CCSER1: variants seen among roughly 807,000 people sequenced by gnomAD.
CCSER1 encodes serine-rich coiled-coil domain-containing protein 1.
CCSER1 carries 41 observed loss-of-function variants against 82.0 expected under a neutral mutation model. That is an observed-to-expected ratio of 0.50 (90% CI 0.39 to 0.65). The LOEUF is 0.65. CCSER1 is among the 30% of genes least tolerant of loss of function. The pLI is 0.00. For missense variants in CCSER1, 1,119 were observed against 1,064.2 expected, an observed-to-expected ratio of 1.05 and a Z score of -0.72; for synonymous variants, 414 against 383.9, an observed-to-expected ratio of 1.08 and a Z score of -0.92.
chr4:90,576,284 C>A (rs987472334), intron 5 of CCSER1, among the ~76,000 whole-genome samples: 2 of 152,092 alleles, frequency 1.3e-5, no homozygotes, highest in Admixed American at 6.6e-5. Flanking sequence ...CCCATAAGCA[C>A]CTCTGTTCCC....
At chr4:90,199,241 ATAT>A (rs1206266336) in intron 1 of CCSER1, among the ~76,000 whole-genome samples, 1 of 152,214 alleles carries the variant, frequency 6.6e-6, no homozygotes, top group Admixed American at 6.5e-5. Flanking sequence ...CTCAATTAAA[ATAT>A]TATAGGCCAA....
intron 3 of CCSER1, among the ~76,000 whole-genome samples, chr4:90,314,406 A>G (rs1735805175): frequency 6.6e-6 from 1 of 152,204 alleles, no homozygotes; most frequent in African/African-American, 2.4e-5. Context: ...AACATTTATC[A>G]TCACAACATT....
intron 10 of CCSER1, among the ~76,000 whole-genome samples, chr4:91,469,261 C>T (rs577552439): frequency 6.6e-6 from 1 of 152,276 alleles, no homozygotes; most frequent in Non-Finnish European, 1.5e-5. Flanking sequence ...AAAAATCCTT[C>T]TGGCCTGCTA....
At chr4:91,320,408 T>G (rs1746116749) in intron 10 of CCSER1, among the ~76,000 whole-genome samples, 1 of 152,042 alleles carries the variant, frequency 6.6e-6, no homozygotes, top group Admixed American at 6.6e-5. Context: ...TAGGCATGAT[T>G]GTGCATAATT....
At chr4:91,082,869 T>A (rs1722935590) in intron 9 of CCSER1, among the ~76,000 whole-genome samples, 1 of 152,158 alleles carries the variant, frequency 6.6e-6, no homozygotes, top group Admixed American at 6.5e-5. Context: ...AGATACCATC[T>A]CACACCAGTT....
At chr4:90,807,997 A>G (rs1377461098) in intron 7 of CCSER1, among the ~76,000 whole-genome samples, 1 of 152,146 alleles carries the variant, frequency 6.6e-6, no homozygotes, top group Non-Finnish European at 1.5e-5. Context: ...AAATTTTACT[A>G]CAAGGCTATA....
chr4:91,136,061 T>A (rs1022889368), intron 10 of CCSER1, among the ~76,000 whole-genome samples: 1 of 152,172 alleles, frequency 6.6e-6, no homozygotes, highest in Non-Finnish European at 1.5e-5. Context: ...CAGTAAAAAA[T>A]TTTAGTTTCC....
intron 10 of CCSER1, among the ~76,000 whole-genome samples, chr4:91,221,263 T>C (rs1737719179): frequency 6.6e-6 from 1 of 152,142 alleles, no homozygotes; most frequent in Non-Finnish European, 1.5e-5. Context: ...CAAAATGCAG[T>C]CAATTTATTT....
chr4:90,963,261 C>A (rs1734217856), intron 9 of CCSER1, among the ~76,000 whole-genome samples: 1 of 152,104 alleles, frequency 6.6e-6, no homozygotes, highest in African/African-American at 2.4e-5. Flanking sequence ...CATCTTGAAT[C>A]TCCGAGGATG....
At chr4:90,755,865 C>A (rs1037122846) in intron 7 of CCSER1, among the ~76,000 whole-genome samples, 15 of 152,218 alleles carry the variant, frequency 9.9e-5, no homozygotes, top group Admixed American at 9.2e-4. Flanking sequence ...GGAATTTACA[C>A]TTCTAAAGTA....
intron 9 of CCSER1, among the ~76,000 whole-genome samples, chr4:91,068,707 A>G (rs1721102993): frequency 6.6e-6 from 1 of 152,156 alleles, no homozygotes; most frequent in African/African-American, 2.4e-5. Flanking sequence ...GTAGACTACC[A>G]CTGGTTACTT....
intron 9 of CCSER1, 125 bp downstream of exon 9, chr4:90,923,572 C>A: frequency 1.6e-6 from 1 of 640,442 alleles, no homozygotes; most frequent in Non-Finnish European, 2.7e-6. Context: ...CACCATTCAT[C>A]TTTTGCTCTT....
At chr4:91,221,287 A>C (rs1314557153) in intron 10 of CCSER1, among the ~76,000 whole-genome samples, 2 of 152,176 alleles carry the variant, frequency 1.3e-5, no homozygotes, top group Non-Finnish European at 2.9e-5. Context: ...TATGTGTAAG[A>C]AATAAGTAAA....
intron 1 of CCSER1, among the ~76,000 whole-genome samples, chr4:90,159,064 C>T (rs941343654): frequency 6.6e-6 from 1 of 152,108 alleles, no homozygotes; most frequent in African/African-American, 2.4e-5. Flanking sequence ...GATGTGGTCT[C>T]ACTGAGTCAC....
In CCSER1 at chr4:90,600,996, T is replaced by G. The variant is rs75534902; in HGVS notation, c.1725-27029T>G. Among the ~76,000 whole-genome samples, 451 of 152,162 alleles carry G rather than the reference T, an allele frequency of 3.0e-3. 3 individuals carry two copies. The highest frequency in any genetic ancestry group is 0.01 in the African/African-American group (434 of 41,562). The stretch of plus-strand genomic sequence containing the variant: ...TCTATTTTTTTCATTGCTAATGTAT[T>G]GAATACAATGGAGTTTTGAATATTG... On this transcript the variant is annotated intron_variant, in intron 5 of 10. Transcript: ENST00000509176.
intron 5 of CCSER1, among the ~76,000 whole-genome samples, chr4:90,515,419 C>T (rs988800025): frequency 6.6e-6 from 1 of 152,082 alleles, no homozygotes; most frequent in Non-Finnish European, 1.5e-5. Flanking sequence ...ACTTTTGAAG[C>T]TTTTGCATAA....
chr4:90,327,235 A>G (rs1309810198), intron 3 of CCSER1, among the ~76,000 whole-genome samples: 1 of 152,126 alleles, frequency 6.6e-6, no homozygotes, highest in Non-Finnish European at 1.5e-5. Context: ...TATCTGTTCT[A>G]TTCTTGCAAT....
At position 90,586,491 on chromosome 4, in the gene CCSER1, C is replaced by T. The variant is rs939768445; in HGVS notation, c.1725-41534C>T. ...TCAACTAATTAATTAATGCGAGAAT[C>T]AGAAGATGCCAAAACTGGTTCAAAG... On this transcript the variant is annotated intron_variant, in intron 5 of 10. Transcript: ENST00000509176. Among the ~76,000 whole-genome samples, 6 of 152,188 alleles carry T rather than the reference C, an allele frequency of 3.9e-5. No homozygotes were observed. In the South Asian group the frequency reaches 6.2e-4, roughly 16 times the overall value.
chr4:91,243,666 T>C (rs938163363), intron 10 of CCSER1, among the ~76,000 whole-genome samples: 6 of 152,018 alleles, frequency 3.9e-5, no homozygotes, highest in African/African-American at 1.4e-4. Flanking sequence ...ATTCCCTGGG[T>C]CAAAAGCAAC....
Sources: allele counts gnomAD v4.1 joint callset (sites outside exome capture counted in the v4.1 genomes callset), GRCh38; gene constraint gnomAD v4.1.1; transcripts MANE v1.5; gene names NCBI Gene and HGNC (gene_info 2026-07-23, HGNC 2026-07-21).